The following CRY2 variants were observed in gnomAD, a reference collection of about 807,000 sequenced individuals.
CRY2 encodes the protein cryptochrome-2.
Under a neutral mutation model 69.5 loss-of-function variants are expected in CRY2, and 31 were observed. That is an observed-to-expected ratio of 0.45 (90% CI 0.34 to 0.60). The LOEUF (loss-of-function observed/expected upper bound fraction) is 0.60, where lower values mean the gene tolerates loss of function less well. Ranked by LOEUF, CRY2 falls within the 20% of genes least tolerant of loss-of-function variation. The probability of loss-of-function intolerance (pLI) is 0.02; values close to 1 mark genes in which losing one functional copy is unlikely to be tolerated. For synonymous variants in CRY2, 303 were observed against 312.2 expected, an observed-to-expected ratio of 0.97 and a Z score of 0.31; for missense variants, 606 against 797.8, an observed-to-expected ratio of 0.76 and a Z score of 2.90.
rs1423575756 is a variant in CRY2, at chr11:45,861,031, G to C, written c.651G>C (p.Leu217=). 15 of 1,610,870 alleles carry C rather than the reference G, an allele frequency of 9.3e-6. No homozygotes were observed. The highest frequency in any genetic ancestry group is 1.3e-5 in the Non-Finnish European group (15 of 1,178,804). ...ETYGVPSLEE[L]GFPTEGLGPA... The stretch of plus-strand genomic sequence containing the variant: ...ACGGCGTGCCCTCCCTGGAGGAGCT[G>C]GGTGCGTACTTCCTGCCCAGAGCCA... The change falls in exon 4 of 12, where the codon CTG becomes CTC. Residue 217 remains leucine (L), a splice_region_variant and synonymous_variant. Coordinates refer to ENST00000616080, the MANE Select transcript of CRY2 (RefSeq NM_021117.5).
chr11:45,863,111 G>A (rs2086301225), intron 5 of CRY2, among the ~76,000 whole-genome samples: 1 of 152,222 alleles, frequency 6.6e-6, no homozygotes, highest in Non-Finnish European at 1.5e-5. Flanking sequence ...CAGCCTCGAT[G>A]TTTCTACCTG....
chr11:45,869,980 G>A, intron 7 of CRY2, 73 bp from the exon 8 acceptor site: 1 of 1,531,840 alleles, frequency 6.5e-7, no homozygotes, highest in Non-Finnish European at 8.8e-7. Context: ...GGCTCCTGGG[G>A]GCACTGTGGT....
At chr11:45,870,260 T>G in intron 8 of CRY2, 56 bp downstream of exon 8, 2 of 1,611,502 alleles carry the variant, frequency 1.2e-6, no homozygotes, top group Non-Finnish European at 1.7e-6. Context: ...CCTACTAGGA[T>G]GGGATACCCT....
chr11:45,852,624 C>T (rs1195181602), intron 1 of CRY2, among the ~76,000 whole-genome samples: 3 of 152,064 alleles, frequency 2.0e-5, no homozygotes, highest in East Asian at 1.9e-4. Context: ...CGGGTTGACT[C>T]GGGAGGGAAG....
At chr11:45,861,828 G>A (rs2086290319) in intron 4 of CRY2, 2 of 508,724 alleles carry the variant, frequency 3.9e-6, no homozygotes, top group African/African-American at 2.0e-5. Context: ...GTCCGGGATT[G>A]TTGTCATCTA....
rs112353912 is a variant in CRY2, at chr11:45,856,745, G to A, written c.324+655G>A. ...CGGGAGGCGGAGCTTTCAGTGAGCC[G>A]AGATTGTGCCACTGCACTCCAGCCT... On this transcript the variant is annotated intron_variant, in intron 2 of 11. Coordinates refer to ENST00000616080, the MANE Select transcript of CRY2 (RefSeq NM_021117.5). 1.2e-3 allele frequency among the ~76,000 whole-genome samples: 181 copies of A among 151,070 alleles called. 1 individual carries two copies. The highest frequency in any genetic ancestry group is 4.2e-3 in the African/African-American group (173 of 41,050).
chr11:45,860,294 C>T (rs774954218), intron 3 of CRY2, among the ~76,000 whole-genome samples: 2 of 151,554 alleles, frequency 1.3e-5, no homozygotes, highest in Non-Finnish European at 2.9e-5. Context: ...CTGTCTTCCA[C>T]CTCTCTGTTC....
chr11:45,878,449 T>C (rs1027030258), intron 11 of CRY2, among the ~76,000 whole-genome samples: 9 of 152,216 alleles, frequency 5.9e-5, no homozygotes, highest in African/African-American at 2.2e-4. Context: ...TAGCCATCTC[T>C]TTAGTTTAAC....
At chr11:45,866,582 C>CT (rs2086332254) in intron 5 of CRY2, among the ~76,000 whole-genome samples, 1 of 152,188 alleles carries the variant, frequency 6.6e-6, no homozygotes, top group Admixed American at 6.5e-5. Flanking sequence ...ACAGGAGACT[C>CT]TTGTGGGAAC....
At position 45,847,500 on chromosome 11, in the gene CRY2, ACTGTGGCGACGGCGGCAG is replaced by A; in HGVS notation, c.18_35del (p.Thr7_Ala12del). On this transcript the variant is annotated inframe_deletion, in exon 1 of 12. Transcript: ENST00000616080. ...AGCAGTCTGGACAGTCATGGCGGCG[ACTGTGGCGACGGCGGCAG>A]CTGTGGCCCCGGCGCCAGCGCCCGG... 3 of 1,596,082 alleles carry A rather than the reference ACTGTGGCGACGGCGGCAG, an allele frequency of 1.9e-6. No individual in the cohort carries two copies. The highest frequency in any genetic ancestry group is 2.6e-6 in the Non-Finnish European group (3 of 1,175,634).
chr11:45,858,910 T>A, intron 3 of CRY2, 37 bp downstream of exon 3: 1 of 1,601,154 alleles, frequency 6.2e-7, no homozygotes, highest in Non-Finnish European at 8.5e-7. Context: ...TTACCAATTG[T>A]GAGAGTTAGT....
chr11:45,850,834 A>G (rs999663182), intron 1 of CRY2, among the ~76,000 whole-genome samples: 15 of 152,152 alleles, frequency 9.9e-5, no homozygotes, highest in African/African-American at 3.6e-4. Flanking sequence ...CTCCTTCTAC[A>G]CTGACTCCCA....
intron 11 of CRY2, among the ~76,000 whole-genome samples, chr11:45,872,543 C>A (rs1159704695): frequency 6.6e-6 from 1 of 151,902 alleles, no homozygotes; most frequent in Non-Finnish European, 1.5e-5. Flanking sequence ...GAGTACAAGA[C>A]CAACCTGGCC....
rs1327842288 is a variant in CRY2, at chr11:45,847,673, G to T, written c.183G>T (p.Ala61=). The change falls in exon 1 of 12, where the codon GCG becomes GCT. Residue 61 remains alanine, a synonymous_variant. Coordinates refer to ENST00000616080, the MANE Select transcript of CRY2 (RefSeq NM_021117.5). ...RCVYILDPWF[A]ASSSVGINRW... is the part of the protein sequence containing the mutation. ...TTTACATTCTCGACCCGTGGTTCGCGGCCTCCTCCTCAGTCGGGATCAACC... is the reference window on the plus strand; with the variant it reads ...TTTACATTCTCGACCCGTGGTTCGCTGCCTCCTCCTCAGTCGGGATCAACC... 2 of 1,587,830 alleles carry T rather than the reference G, an allele frequency of 1.3e-6. No homozygotes were observed. The highest frequency in any genetic ancestry group is 1.3e-5 in the African/African-American group (1 of 74,444).
intron 5 of CRY2, among the ~76,000 whole-genome samples, chr11:45,864,458 A>G (rs1476214962): frequency 6.6e-6 from 1 of 152,020 alleles, no homozygotes; most frequent in Admixed American, 6.6e-5. Context: ...CCTCATCTCT[A>G]AATAAAAACA....
chr11:45,879,354 A>T (rs886664865), intron 11 of CRY2, among the ~76,000 whole-genome samples: 4 of 152,230 alleles, frequency 2.6e-5, no homozygotes, highest in Admixed American at 2.6e-4. Flanking sequence ...CAGATTTACC[A>T]TGCGGCCTTA....
At chr11:45,866,029 C>G (rs2086328263) in intron 5 of CRY2, among the ~76,000 whole-genome samples, 3 of 152,190 alleles carry the variant, frequency 2.0e-5, no homozygotes, top group Admixed American at 2.0e-4. Flanking sequence ...AAGAAAAGGA[C>G]AGATTTGGGA....
intron 10 of CRY2, among the ~76,000 whole-genome samples, chr11:45,871,241 A>G (rs1369111453): frequency 6.6e-6 from 1 of 152,224 alleles, no homozygotes; most frequent in Non-Finnish European, 1.5e-5. Flanking sequence ...GCCCTGCCAC[A>G]CACTGAGAAA....
intron 11 of CRY2, among the ~76,000 whole-genome samples, chr11:45,880,550 C>T (rs554274678): frequency 6.6e-6 from 1 of 152,322 alleles, no homozygotes; most frequent in South Asian, 2.1e-4. Flanking sequence ...CCATCTCTGG[C>T]AGCAGCTGCT....
Sources: gnomAD v4.1 joint callset for allele counts (sites outside exome capture counted in the v4.1 genomes callset) on GRCh38, gnomAD v4.1.1 for gene constraint, MANE v1.5 for transcripts, NCBI Gene and HGNC (gene_info 2026-07-23, HGNC 2026-07-21) for gene names.